CENPC: variants seen among roughly 807,000 people sequenced by gnomAD.
The protein encoded by CENPC is centromere protein C, also known as CENP-C 1.
A neutral mutation model predicts 112.1 loss-of-function variants in CENPC; 63 were observed. The ratio of observed to expected loss-of-function variants is 0.56; its 90% CI spans 0.46 to 0.69. The LOEUF is 0.69. Ranked by LOEUF, CENPC falls within the 30% of genes least tolerant of loss-of-function variation. CENPC has a pLI of 0.00. For synonymous variants in CENPC, 333 were observed against 367.6 expected (o/e 0.91, Z 1.08); for missense variants, 1,000 against 1,103.8 (o/e 0.91, Z 1.33).
intron 16 of CENPC, among the ~76,000 whole-genome samples, chr4:67,491,445 TCATATATATATATATATA>T (rs1195131823): frequency 6.2e-5 from 4 of 64,172 alleles, no homozygotes; most frequent in African/African-American, 1.8e-4. Context: ...TTTAAATATT[TCATATATATATATATATA>T]TATATATATA....
intron 17 of CENPC, among the ~76,000 whole-genome samples, chr4:67,485,587 G>T (rs191459833): frequency 6.6e-6 from 1 of 152,160 alleles, no homozygotes; most frequent in East Asian, 1.9e-4. Flanking sequence ...AAAGTCTATG[G>T]TATTCTTATT....
intron 4 of CENPC, among the ~76,000 whole-genome samples, chr4:67,537,924 C>G (rs1484413859): frequency 1.3e-5 from 2 of 152,114 alleles, no homozygotes; most frequent in Non-Finnish European, 2.9e-5. Flanking sequence ...TTCAAGGCTT[C>G]AGAGAGCTGT....
At chr4:67,475,290 C>T (rs536126400) in intron 17 of CENPC, among the ~76,000 whole-genome samples, 2 of 152,328 alleles carry the variant, frequency 1.3e-5, no homozygotes, top group African/African-American at 2.4e-5. Flanking sequence ...GGACTTGCAC[C>T]GTTGCTGGCA....
Position 67,476,783 on chromosome 4 carries a change from T to C in CENPC, c.2671-1805A>G, listed in dbSNP as rs547668916. Among the ~76,000 whole-genome samples the C allele has an allele frequency of 9.7e-4, 148 of 152,256 alleles. 1 individual carries two copies. The highest frequency in any genetic ancestry group is 3.5e-3 in the African/African-American group (145 of 41,546). Reference sequence around the variant, plus strand: ...GGGAGACTTATAGCCTAGCGCAAAATGTCAGTCCTGCTCACTGGCTGTCTG... The same window carrying C: ...GGGAGACTTATAGCCTAGCGCAAAACGTCAGTCCTGCTCACTGGCTGTCTG... On this transcript the variant is annotated intron_variant, in intron 17 of 18. Transcript: ENST00000273853.
chr4:67,491,480 T>TATATAGAG (rs1725270093), intron 16 of CENPC, among the ~76,000 whole-genome samples: 5 of 18,104 alleles, frequency 2.8e-4, no homozygotes, highest in African/African-American at 3.5e-4. Flanking sequence ...TATATATATA[T>TATATAGAG]AGAGAGAGAG....
chr4:67,476,286 A>C (rs1177841081), intron 17 of CENPC, among the ~76,000 whole-genome samples: 1 of 152,204 alleles, frequency 6.6e-6, no homozygotes, highest in African/African-American at 2.4e-5. Context: ...GACTCTTTGA[A>C]AGAAATGGCT....
intron 17 of CENPC, among the ~76,000 whole-genome samples, chr4:67,486,239 C>T (rs753322793): frequency 6.6e-6 from 1 of 152,058 alleles, no homozygotes; most frequent in Non-Finnish European, 1.5e-5. Flanking sequence ...TTAATGCTAA[C>T]CACCTGCCCA....
intron 17 of CENPC, among the ~76,000 whole-genome samples, chr4:67,484,817 G>A (rs982651672): frequency 6.6e-6 from 1 of 152,168 alleles, no homozygotes; most frequent in Non-Finnish European, 1.5e-5. Flanking sequence ...CACCGCACTG[G>A]GCGCAGTGGC....
chr4:67,525,494 A>T (rs1454559138), intron 5 of CENPC, among the ~76,000 whole-genome samples: 5 of 152,328 alleles, frequency 3.3e-5, no homozygotes, highest in African/African-American at 1.2e-4. Context: ...CAATCCCATC[A>T]AAAAGTGGGC....
In CENPC at chr4:67,514,344, C is replaced by G. The variant is rs1725988598; in HGVS notation, c.1174G>C (p.Val392Leu). The change falls in exon 8 of 19, where the codon GTA (valine) becomes CTA (leucine). Residue 392 changes from valine (V) to leucine (L), a missense_variant. Transcript: ENST00000273853. ...TATTTTGTAGATCTATAATTATTTACTGTTTCACCTATCAAAGCATAACTT... is the reference window on the plus strand; with the variant it reads ...TATTTTGTAGATCTATAATTATTTAGTGTTTCACCTATCAAAGCATAACTT... ...DTSYALIGETVNNYRSTKYEM... is the reference protein window; with the variant it reads ...DTSYALIGETLNNYRSTKYEM... The G allele has an allele frequency of 6.2e-7, 1 of 1,612,136 alleles. No homozygotes were observed. The highest frequency in any genetic ancestry group is 1.7e-5 in the Admixed American group (1 of 59,820).
intron 9 of CENPC, chr4:67,511,013 C>G: frequency 2.2e-6 from 1 of 456,106 alleles, no homozygotes; most frequent in South Asian, 1.5e-5. Context: ...TAGTACTTAG[C>G]ATTTCAGGCA....
At chr4:67,487,274 G>A (rs1725120425) in intron 17 of CENPC, among the ~76,000 whole-genome samples, 2 of 149,362 alleles carry the variant, frequency 1.3e-5, no homozygotes, top group South Asian at 4.2e-4. Context: ...TTGTTAAAGT[G>A]AGTTGGCTTC....
intron 16 of CENPC, among the ~76,000 whole-genome samples, chr4:67,490,694 T>C (rs1203253444): frequency 1.3e-5 from 2 of 151,658 alleles, no homozygotes; most frequent in Non-Finnish European, 2.9e-5. Flanking sequence ...CATAAATTAC[T>C]ACCTCACTTA....
Position 67,483,281 on chromosome 4 carries a change from C to A in CENPC, c.2670+6686G>T, listed in dbSNP as rs1429145781. Among the ~76,000 whole-genome samples the A allele has an allele frequency of 2.6e-5, 4 of 151,896 alleles. No individual in the cohort carries two copies. In the East Asian group the frequency reaches 7.7e-4, roughly 29 times the overall value. ...GCTGAGGCACGAGAATTGCTTGAACCCGGGAGGCAGAGGCTGCAGTGGGCT... is the reference window on the plus strand; with the variant it reads ...GCTGAGGCACGAGAATTGCTTGAACACGGGAGGCAGAGGCTGCAGTGGGCT... On this transcript the variant is annotated intron_variant, in intron 17 of 18. Coordinates refer to ENST00000273853, the MANE Select transcript of CENPC (RefSeq NM_001812.4).
At chr4:67,494,598 A>G (rs1725380578) in intron 13 of CENPC, among the ~76,000 whole-genome samples, 1 of 152,040 alleles carries the variant, frequency 6.6e-6, no homozygotes, top group South Asian at 2.1e-4. Context: ...TCTGAGTATG[A>G]GTGAAAGAGC....
rs79427742 is a variant in CENPC at position 67,521,022 on chromosome 4, CAAAT to C, written c.332-1524_332-1521del. Among the ~76,000 whole-genome samples, 699 of 150,106 alleles carry C rather than the reference CAAAT, an allele frequency of 4.7e-3. 8 individuals are homozygous for C. Among genetic ancestry groups the C allele is most frequent in the African/African-American group, 0.015 (630 of 41,010 alleles). Reference sequence around the variant, plus strand: ...GCAAGACTCTGTCTCAAAAAATAAACAAATAAATAAATAAATAAATAAATAAATA... The same window carrying C: ...GCAAGACTCTGTCTCAAAAAATAAACAAATAAATAAATAAATAAATAAATA... On this transcript the variant is annotated intron_variant, in intron 5 of 18. Coordinates refer to ENST00000273853, the MANE Select transcript of CENPC (RefSeq NM_001812.4).
In CENPC at chr4:67,470,101, T is replaced by C. The variant is rs1724615010; in HGVS notation, c.*2504A>G. The C allele has an allele frequency of 1.3e-5, 2 of 152,126 alleles. No individual in the cohort carries two copies. Among genetic ancestry groups the C allele is most frequent in the Admixed American group, 1.3e-4 (2 of 15,266 alleles). The allele number at this position is 152,126 out of a possible 1,614,324, so 9.4% of individuals were successfully genotyped here. On this transcript the variant is annotated 3_prime_UTR_variant, in exon 19 of 19. Transcript: ENST00000273853. ...GTATCAGCCATTATAGCCCTAGAAG[T>C]TGGCTGAACAGTTGGCTGAACAGTA...
chr4:67,524,992 G>A (rs183470251), intron 5 of CENPC, among the ~76,000 whole-genome samples: 148 of 152,180 alleles, frequency 9.7e-4, no homozygotes, highest in African/African-American at 3.4e-3. Context: ...TAGACCAATG[G>A]AACAGAACAG....
intron 11 of CENPC, among the ~76,000 whole-genome samples, chr4:67,505,663 T>G (rs1725713109): frequency 6.6e-6 from 1 of 152,224 alleles, no homozygotes; most frequent in Non-Finnish European, 1.5e-5. Context: ...AAATGTCATA[T>G]TGTTACTTTT....
Sources: gnomAD v4.1 joint callset for allele counts (sites outside exome capture counted in the v4.1 genomes callset) on GRCh38, gnomAD v4.1.1 for gene constraint, MANE v1.5 for transcripts, NCBI Gene and HGNC (gene_info 2026-07-23, HGNC 2026-07-21) for gene names.